CCDC152: variants seen among roughly 807,000 people sequenced by gnomAD.
CCDC152 encodes the protein coiled-coil domain containing 152.
CCDC152 carries 37 observed loss-of-function variants against 38.1 expected under a neutral mutation model. That is an observed-to-expected ratio of 0.97 (90% confidence interval 0.75 to 1.28). The LOEUF (loss-of-function observed/expected upper bound fraction) is 1.28, where lower values mean the gene tolerates loss of function less well. CCDC152 is among the 50% of genes most tolerant of loss of function. The pLI is 0.00. For missense variants in CCDC152, 259 were observed against 292.1 expected (o/e 0.89, Z 0.83); for synonymous variants, 83 against 87.1 (o/e 0.95, Z 0.26).
chr5:42,800,802 CTTAT>C lies in CCDC152; in HGVS notation c.*1024_*1027del, dbSNP rs781538783. The stretch of plus-strand genomic sequence containing the variant: ...GGCTTCTGTGGGTATAAGCTGCTGA[CTTAT>C]TTGTCAGGCAGCTGGAGGCAAACGT... On this transcript the variant is annotated 3_prime_UTR_variant, in exon 9 of 9. Transcript: ENST00000361970. The C allele has an allele frequency of 3.1e-6, 5 of 1,614,188 alleles. No individual in the cohort carries two copies. The African/African-American group carries it at 5.3e-5, about 17-fold the overall frequency.
At position 42,778,486 on chromosome 5, in the gene CCDC152, C is replaced by T. The variant is rs1759797087; in HGVS notation, c.263-972C>T. On this transcript the variant is annotated intron_variant, in intron 4 of 8. Transcript: ENST00000361970. ...CAAATAGGAAATTACAGTTTTAAAC[C>T]GACCTGGATGTTTAGTAATCAAAAT... Among the ~76,000 whole-genome samples, 4 of 152,170 alleles carry T rather than the reference C, an allele frequency of 2.6e-5. No homozygotes were observed. The South Asian group carries it at 8.3e-4, about 32-fold the overall frequency.
intron 3 of CCDC152, among the ~76,000 whole-genome samples, chr5:42,766,216 C>A (rs185736609): frequency 1.2e-3 from 176 of 152,196 alleles, no homozygotes; most frequent in African/African-American, 4.0e-3. Context: ...ATAATGAAAT[C>A]TCATCTCATC....
chr5:42,800,812 A>G lies in CCDC152; in HGVS notation c.*1031A>G, dbSNP rs753368511. The G allele has an allele frequency of 3.1e-6, 5 of 1,614,078 alleles. No homozygotes were observed. The South Asian group carries it at 5.5e-5, about 18-fold the overall frequency. On this transcript the variant is annotated 3_prime_UTR_variant, in exon 9 of 9. Transcript: ENST00000361970. ...GGTATAAGCTGCTGACTTATTTGTC[A>G]GGCAGCTGGAGGCAAACGTCACTGA...
chr5:42,772,461 A>G (rs1156574679), intron 4 of CCDC152, among the ~76,000 whole-genome samples: 1 of 152,132 alleles, frequency 6.6e-6, no homozygotes, highest in African/African-American at 2.4e-5. Flanking sequence ...ATCCTGGCCA[A>G]CATGGTGAAA....
chr5:42,778,907 C>G (rs994129180), intron 4 of CCDC152, among the ~76,000 whole-genome samples: 3 of 152,170 alleles, frequency 2.0e-5, no homozygotes, highest in Non-Finnish European at 2.9e-5. Flanking sequence ...AATTGTTCAT[C>G]TAGAATATGT....
intron 4 of CCDC152, among the ~76,000 whole-genome samples, chr5:42,777,399 T>A (rs1248849350): frequency 6.6e-6 from 1 of 150,742 alleles, no homozygotes; most frequent in Non-Finnish European, 1.5e-5. Context: ...GAGGGGGAGG[T>A]TGCAGGGAGC....
chr5:42,765,322 T>TA (rs913835022), intron 3 of CCDC152, among the ~76,000 whole-genome samples: 41 of 152,266 alleles, frequency 2.7e-4, no homozygotes, highest in African/African-American at 9.9e-4. Context: ...TCAATATTGT[T>TA]ACAATCCCCG....
At chr5:42,793,947 T>C (rs1238829145) in intron 6 of CCDC152, among the ~76,000 whole-genome samples, 6 of 152,028 alleles carry the variant, frequency 3.9e-5, no homozygotes, top group Non-Finnish European at 2.9e-5. Context: ...GAAATTATAC[T>C]AGAGAAGTAG....
rs1028876379 is a variant in CCDC152, at chr5:42,800,552, A to T, written c.*771A>T. ...ATCATAAAAAATATGGTTTGAGTCA[A>T]TATTTCTATGACATAAAATTTAAAA... is the stretch of plus-strand genomic sequence containing the variant. On this transcript the variant is annotated 3_prime_UTR_variant, in exon 9 of 9. Transcript: ENST00000361970. 5 of 772,520 alleles carry T rather than the reference A, an allele frequency of 6.5e-6. No homozygotes were observed. The African/African-American group carries it at 8.8e-5, about 14-fold the overall frequency. The allele number at this position is 772,520 out of a possible 1,614,324, so 47.9% of individuals were successfully genotyped here.
intron 3 of CCDC152, among the ~76,000 whole-genome samples, chr5:42,765,856 A>G (rs184740928): frequency 6.6e-6 from 1 of 152,334 alleles, no homozygotes; most frequent in African/African-American, 2.4e-5. Context: ...GTCTGGGCAA[A>G]GATTTATTGA....
In CCDC152 at chr5:42,759,154, G is replaced by T. The variant is rs1759517408; in HGVS notation, c.33G>T (p.Lys11Asn). 2 of 1,551,146 alleles carry T rather than the reference G, an allele frequency of 1.3e-6. No individual in the cohort carries two copies. The highest frequency in any genetic ancestry group is 8.7e-7 in the Non-Finnish European group (1 of 1,146,510). Reference protein sequence around the residue: MDQSSEGCMKKISSVNLDKLI... With the variant: MDQSSEGCMKNISSVNLDKLI... ...AAAGCAGTGAAGGATGTATGAAAAA[G>T]ATTAGCAGTGTGAATCTTGACAAAC... The change falls in exon 2 of 9, where the codon AAG becomes AAT. Residue 11 changes from lysine to asparagine, a missense_variant. By Grantham distance (94) the Lys-to-Asn change is moderately conservative. Coordinates refer to ENST00000361970, the MANE Select transcript of CCDC152 (RefSeq NM_001134848.2).
chr5:42,799,314 A>G (rs983116526), intron 7 of CCDC152, 61 bp from the exon 8 acceptor site: 42 of 850,262 alleles, frequency 4.9e-5, no homozygotes, highest in Non-Finnish European at 7.5e-5. Flanking sequence ...GATTATAATT[A>G]TAGAAACAAT....
intron 1 of CCDC152, among the ~76,000 whole-genome samples, chr5:42,758,140 A>C (rs1759505519): frequency 6.6e-6 from 1 of 152,252 alleles, no homozygotes; most frequent in Non-Finnish European, 1.5e-5. Context: ...AATTCAAGAA[A>C]CAAAATATAC....
intron 4 of CCDC152, among the ~76,000 whole-genome samples, chr5:42,771,056 T>C (rs1020794141): frequency 2.0e-5 from 3 of 152,196 alleles, no homozygotes; most frequent in Non-Finnish European, 2.9e-5. Flanking sequence ...CGAATATGGA[T>C]AATTTTCTTC....
At chr5:42,762,856 GA>G (rs1393032113) in intron 3 of CCDC152, among the ~76,000 whole-genome samples, 4 of 152,014 alleles carry the variant, frequency 2.6e-5, no homozygotes, top group Admixed American at 6.6e-5. Flanking sequence ...AAACCATAGG[GA>G]AAAAAATTAA....
At chr5:42,791,002 G>T (rs765893666) in intron 6 of CCDC152, among the ~76,000 whole-genome samples, 1 of 152,114 alleles carries the variant, frequency 6.6e-6, no homozygotes, top group Non-Finnish European at 1.5e-5. Flanking sequence ...TGTGGTTCTT[G>T]TTGGCCTCTC....
chr5:42,775,337 T>C (rs1759757042), intron 4 of CCDC152, among the ~76,000 whole-genome samples: 1 of 152,160 alleles, frequency 6.6e-6, no homozygotes, highest in Non-Finnish European at 1.5e-5. Context: ...GAAAATTATT[T>C]ACCTATAGAG....
chr5:42,769,941 C>T (rs1759675228), intron 4 of CCDC152, among the ~76,000 whole-genome samples: 1 of 152,172 alleles, frequency 6.6e-6, no homozygotes, highest in South Asian at 2.1e-4. Flanking sequence ...TATTTATTCT[C>T]AGTAGCATTC....
intron 5 of CCDC152, among the ~76,000 whole-genome samples, chr5:42,781,582 T>TACAC (rs1216804545): frequency 7.0e-6 from 1 of 142,526 alleles, no homozygotes; most frequent in Non-Finnish European, 1.5e-5. Flanking sequence ...CACACACACA[T>TACAC]ACACACACAC....
Sources: allele counts gnomAD v4.1 joint callset (sites outside exome capture counted in the v4.1 genomes callset), GRCh38; gene constraint gnomAD v4.1.1; transcripts MANE v1.5; gene names NCBI Gene and HGNC (gene_info 2026-07-23, HGNC 2026-07-21).